Variants in RUFY1 observed in about 807,000 individuals in gnomAD.
The protein encoded by RUFY1 is RUN and FYVE domain-containing protein 1.
Under a neutral mutation model 94.6 loss-of-function variants are expected in RUFY1, and 54 were observed. That is an observed-to-expected ratio of 0.57 (90% CI 0.46 to 0.72). The LOEUF is 0.72. Among genes scored for constraint, RUFY1 ranks in the 30% least tolerant of loss-of-function variants. The pLI, the probability that RUFY1 is intolerant of heterozygous loss-of-function variation, is 0.00. For missense variants in RUFY1, 883 were observed against 883.9 expected (o/e 1.00, Z 0.01); for synonymous variants, 396 against 347.3 (o/e 1.14, Z -1.56).
rs756236829 is a variant in RUFY1 at position 179,589,619 on chromosome 5, T to G, written c.1100T>G (p.Ile367Ser). ...CAGTTAAGAGAACAAAATGAATTAATTCGAGAAAGAAGTGAAAAGAGTGTA... is the reference window on the plus strand; with the variant it reads ...CAGTTAAGAGAACAAAATGAATTAAGTCGAGAAAGAAGTGAAAAGAGTGTA... ...QQQLREQNEL[I>S]RERSEKSVEI... Residue 367 changes from isoleucine (I) to serine (S), a missense_variant, in exon 9 of 18, where the codon ATT becomes AGT. Coordinates refer to ENST00000319449, the MANE Select transcript of RUFY1 (RefSeq NM_025158.5). 1 of 1,614,004 alleles carries G rather than the reference T, an allele frequency of 6.2e-7. No homozygotes were observed.
chr5:179,550,849 G>GGGGACAGCGGGGAC lies in RUFY1; in HGVS notation c.283_296dup (p.Arg102GlyfsTer13). On this transcript the variant is annotated frameshift_variant, in exon 1 of 18. Coordinates refer to ENST00000319449, the MANE Select transcript of RUFY1 (RefSeq NM_025158.5). LOFTEE classifies it high-confidence loss of function. ...GCGCGCGGCCGCGGGGCTGGGCGGC[G>GGGGACAGCGGGGAC]GGGACAGCGGGGACGGCACGGCGCG... 8.3e-7 allele frequency: 1 copy of GGGGACAGCGGGGAC among 1,201,208 alleles called. No homozygotes were observed. The highest frequency in any genetic ancestry group is 1.0e-6 in the Non-Finnish European group (1 of 971,728). 74.4% of individuals were successfully genotyped at this position (1,201,208 alleles called of 1,614,324 possible).
chr5:179,575,742 A>G (rs1287726125), intron 5 of RUFY1, among the ~76,000 whole-genome samples: 1 of 152,050 alleles, frequency 6.6e-6, no homozygotes, highest in Non-Finnish European at 1.5e-5. Flanking sequence ...GAGATTGTAC[A>G]TATGATTCTT....
In RUFY1 at chr5:179,589,526, TA is replaced by T. The variant is rs746350700; in HGVS notation, c.1027-15del. ...AGATTAATTTTGATGTTAAGAACTGTAAAAATTTTCCTTAATCAGCTTTCAG... is the reference window on the plus strand; with the variant it reads ...AGATTAATTTTGATGTTAAGAACTGTAAAATTTTCCTTAATCAGCTTTCAG... On this transcript the variant is annotated intron_variant, in intron 8 of 17. Coordinates refer to ENST00000319449, the MANE Select transcript of RUFY1 (RefSeq NM_025158.5). 1.2e-5 allele frequency: 19 copies of T among 1,548,006 alleles called. No individual in the cohort carries two copies. Among genetic ancestry groups the T allele is most frequent in the Non-Finnish European group, 1.6e-5 (18 of 1,120,438 alleles).
chr5:179,586,951 C>T (rs553368284), intron 8 of RUFY1, among the ~76,000 whole-genome samples: 2 of 152,268 alleles, frequency 1.3e-5, no homozygotes, highest in East Asian at 1.9e-4. Context: ...TGGGAGCACT[C>T]GAGTTGTTTG....
intron 16 of RUFY1, chr5:179,607,279 A>G: frequency 2.4e-6 from 1 of 417,502 alleles, no homozygotes; most frequent in South Asian, 2.7e-5. Flanking sequence ...CTTCAGCCAA[A>G]GGGAACTGAT....
chr5:179,562,545 A>C lies in RUFY1; in HGVS notation c.485-2A>C. On this transcript the variant is annotated splice_acceptor_variant, in intron 2 of 17. Transcript: ENST00000319449. LOFTEE classifies it high-confidence loss of function. ...GAATAACACTTTTGTTTTTCCTTTT[A>C]GTTAAGAAGAGTTTTATTGGCCAAA... is the stretch of plus-strand genomic sequence containing the variant. 6.4e-7 allele frequency: 1 copy of C among 1,563,198 alleles called. No individual in the cohort carries two copies.
At chr5:179,589,209 A>G (rs1340152889) in intron 8 of RUFY1, among the ~76,000 whole-genome samples, 1 of 152,206 alleles carries the variant, frequency 6.6e-6, no homozygotes, top group African/African-American at 2.4e-5. Context: ...ACTATGATGT[A>G]ACTATTTCCC....
At chr5:179,580,382 A>G (rs991144754) in intron 6 of RUFY1, among the ~76,000 whole-genome samples, 49 of 151,364 alleles carry the variant, frequency 3.2e-4, no homozygotes, top group Non-Finnish European at 6.0e-4. Context: ...AGCTGGGACT[A>G]CAGGCGCCCG....
Position 179,609,722 on chromosome 5 carries a change from G to C in RUFY1, c.*203G>C, listed in dbSNP as rs891725673. ...TGTTCGGAATTAACTCCTCTGGATG[G>C]AAACTTCCATCTTACTTGGTTACAT... On this transcript the variant is annotated 3_prime_UTR_variant, in exon 18 of 18. Transcript: ENST00000319449. The C allele has an allele frequency of 2.0e-6, 1 of 501,082 alleles. No homozygotes were observed. Among genetic ancestry groups the C allele is most frequent in the Non-Finnish European group, 3.5e-6 (1 of 286,210 alleles). 31.0% of individuals were successfully genotyped at this position (501,082 alleles called of 1,614,324 possible). A position where few individuals can be genotyped will look rare whatever the true frequency, so the allele number is the denominator to read the frequency against.
At chr5:179,563,653 C>T (rs1762608433) in intron 3 of RUFY1, among the ~76,000 whole-genome samples, 1 of 152,148 alleles carries the variant, frequency 6.6e-6, no homozygotes. Flanking sequence ...TTGCACCTGC[C>T]AAGCTTTCAA....
intron 6 of RUFY1, among the ~76,000 whole-genome samples, chr5:179,579,695 CCT>C (rs1303354260): frequency 2.2e-5 from 1 of 46,340 alleles, no homozygotes; most frequent in Non-Finnish European, 4.4e-5. Context: ...GGAATCTCTC[CCT>C]CTGTCGCCCA....
intron 16 of RUFY1, 43 bp downstream of exon 16, chr5:179,605,967 C>CT (rs780716784): frequency 1.1e-5 from 15 of 1,354,724 alleles, no homozygotes; most frequent in African/African-American, 7.2e-5. Flanking sequence ...TCAGCTTGTG[C>CT]TGACTGCCCG....
At chr5:179,571,056 T>A (rs989327255) in intron 5 of RUFY1, among the ~76,000 whole-genome samples, 1 of 152,210 alleles carries the variant, frequency 6.6e-6, no homozygotes, top group East Asian at 1.9e-4. Flanking sequence ...GCACACCATT[T>A]TGTAATTTTA....
chr5:179,599,905 G>A lies in RUFY1; in HGVS notation c.1761+1084G>A, dbSNP rs144383308. The stretch of plus-strand genomic sequence containing the variant: ...GAACGTGGTAATGGACACACTGCAC[G>A]ATTCGAGCGAGTCAGGAAAGGCCCT... On this transcript the variant is annotated intron_variant, in intron 14 of 17. Coordinates refer to ENST00000319449, the MANE Select transcript of RUFY1 (RefSeq NM_025158.5). 7.6e-4 allele frequency among the ~76,000 whole-genome samples: 116 copies of A among 152,350 alleles called. 1 individual carries two copies. In the Middle Eastern group the frequency reaches 0.01, roughly 13 times the overall value.
intron 3 of RUFY1, among the ~76,000 whole-genome samples, chr5:179,566,181 A>G (rs943425919): frequency 6.6e-6 from 1 of 151,608 alleles, no homozygotes; most frequent in Admixed American, 6.6e-5. Context: ...CTCACCAAGC[A>G]GCACTTGAGA....
chr5:179,598,915 GT>G, intron 14 of RUFY1, 94 bp downstream of exon 14: 1 of 1,446,550 alleles, frequency 6.9e-7, no homozygotes. Context: ...CACCCTTTGT[GT>G]GGGGGCCAGG....
chr5:179,586,453 A>C (rs1764612567), intron 8 of RUFY1: 1 of 456,382 alleles, frequency 2.2e-6, no homozygotes, highest in Non-Finnish European at 4.4e-6. Context: ...GGGGGTGCTC[A>C]GCCCTTCTGA....
At chr5:179,578,566 A>G (rs1189139722) in intron 6 of RUFY1, among the ~76,000 whole-genome samples, 3 of 151,822 alleles carry the variant, frequency 2.0e-5, no homozygotes, top group Non-Finnish European at 4.4e-5. Flanking sequence ...CCTTGTTAAC[A>G]AGGGTATTCT....
intron 1 of RUFY1, among the ~76,000 whole-genome samples, chr5:179,551,338 C>T (rs1163372737): frequency 6.6e-6 from 1 of 152,256 alleles, no homozygotes; most frequent in African/African-American, 2.4e-5. Context: ...CCGATGATCT[C>T]TTAAAGACCT....
Sources: gnomAD v4.1 joint callset for allele counts (sites outside exome capture counted in the v4.1 genomes callset) on GRCh38, gnomAD v4.1.1 for gene constraint, MANE v1.5 for transcripts, NCBI Gene and HGNC (gene_info 2026-07-23, HGNC 2026-07-21) for gene names.